The following NLGN1 variants were observed in gnomAD, a reference collection of about 807,000 sequenced individuals.
NLGN1 encodes neuroligin 1.
NLGN1 carries 12 observed loss-of-function variants against 65.5 expected under a neutral mutation model. The ratio of observed to expected loss-of-function variants is 0.18; its 90% CI spans 0.12 to 0.30. The LOEUF is 0.30. NLGN1 is among the 10% of genes least tolerant of loss of function. The probability of loss-of-function intolerance (pLI) is 1.00; values close to 1 mark genes in which losing one functional copy is unlikely to be tolerated. For missense variants in NLGN1, 750 were observed against 1,007.1 expected (o/e 0.74, Z 3.46); for synonymous variants, 350 against 359.5 (o/e 0.97, Z 0.30).
At chr3:173,694,258 T>G (rs1224608707) in intron 3 of NLGN1, among the ~76,000 whole-genome samples, 1 of 152,192 alleles carries the variant, frequency 6.6e-6, no homozygotes, top group Non-Finnish European at 1.5e-5. Flanking sequence ...AGTGATGCAC[T>G]CTGAGCAGTC....
chr3:174,221,784 A>C (rs1189372692), intron 4 of NLGN1, among the ~76,000 whole-genome samples: 4 of 152,030 alleles, frequency 2.6e-5, no homozygotes, highest in Non-Finnish European at 4.4e-5. Context: ...TTGCTTCTTC[A>C]TAGCTTTGGG....
intron 3 of NLGN1, among the ~76,000 whole-genome samples, chr3:173,787,539 G>A (rs546147437): frequency 5.9e-5 from 9 of 152,102 alleles, no homozygotes; most frequent in Middle Eastern, 3.4e-3. Context: ...TATTATTCTG[G>A]ACTCTTACAA....
At chr3:173,690,612 T>C (rs536073391) in intron 3 of NLGN1, among the ~76,000 whole-genome samples, 1 of 152,280 alleles carries the variant, frequency 6.6e-6, no homozygotes, top group Non-Finnish European at 1.5e-5. Context: ...GTAATGAAAG[T>C]CCATGATGTC....
At chr3:173,893,991 G>T (rs968697781) in intron 4 of NLGN1, among the ~76,000 whole-genome samples, 1 of 152,076 alleles carries the variant, frequency 6.6e-6, no homozygotes, top group Non-Finnish European at 1.5e-5. Context: ...TGTCCTGCCA[G>T]TTTGTCCAAC....
intron 4 of NLGN1, among the ~76,000 whole-genome samples, chr3:173,976,004 A>G (rs1453024198): frequency 1.3e-5 from 2 of 152,000 alleles, no homozygotes; most frequent in African/African-American, 2.4e-5. Flanking sequence ...CTATTTATCT[A>G]CTATACAAAG....
intron 4 of NLGN1, among the ~76,000 whole-genome samples, chr3:174,191,554 T>C (rs1732394699): frequency 1.3e-5 from 2 of 152,144 alleles, no homozygotes. Context: ...CTGTGAAAAG[T>C]GTGTCTCTCG....
the NLGN1 span, among the ~76,000 whole-genome samples, chr3:174,292,823 T>C: frequency 1.3e-5 from 2 of 151,438 alleles, no homozygotes; most frequent in Admixed American, 1.3e-4. Context: ...TGGATAGATG[T>C]ACACAAGATT....
At chr3:173,742,608 T>C (rs974826749) in intron 3 of NLGN1, among the ~76,000 whole-genome samples, 3 of 152,166 alleles carry the variant, frequency 2.0e-5, no homozygotes, top group African/African-American at 7.2e-5. Context: ...TCTAAGCCTT[T>C]ATATTTTCCT....
chr3:174,291,923 T>C, the NLGN1 span, among the ~76,000 whole-genome samples: 1 of 151,180 alleles, frequency 6.6e-6, no homozygotes, highest in Non-Finnish European at 1.5e-5. Context: ...ATGAAGGTAA[T>C]AGAAAAATCA....
chr3:173,754,015 C>T (rs1241429087), intron 3 of NLGN1, among the ~76,000 whole-genome samples: 3 of 118,720 alleles, frequency 2.5e-5, no homozygotes, highest in South Asian at 2.9e-4. Flanking sequence ...TTCTTTATTT[C>T]TTTCTTTTCT....
Position 173,949,383 on chromosome 3 carries a change from A to G in NLGN1, c.646+141551A>G, listed in dbSNP as rs779377609. Among the ~76,000 whole-genome samples, 12 of 152,306 alleles carry G rather than the reference A, an allele frequency of 7.9e-5. No individual in the cohort carries two copies. The South Asian group carries it at 1.9e-3, about 24-fold the overall frequency. ...ACAGAGTGGAAAAGAGCAAAACTGT[A>G]AATAAGACATAATTAGAAAGATGTA... On this transcript the variant is annotated intron_variant, in intron 4 of 6. Transcript: ENST00000457714.
intron 4 of NLGN1, among the ~76,000 whole-genome samples, chr3:173,825,781 G>T (rs1449069650): frequency 6.6e-6 from 1 of 151,948 alleles, no homozygotes; most frequent in African/African-American, 2.4e-5. Context: ...GTTTTCTCAG[G>T]TGAAAAATCA....
intron 3 of NLGN1, among the ~76,000 whole-genome samples, chr3:173,720,495 A>G (rs1231490973): frequency 3.9e-5 from 6 of 152,166 alleles, no homozygotes; most frequent in Admixed American, 3.9e-4. Context: ...ATCACACATT[A>G]TTTGCTTAGG....
chr3:174,049,815 T>G (rs1041017234), intron 4 of NLGN1, among the ~76,000 whole-genome samples: 2 of 152,074 alleles, frequency 1.3e-5, no homozygotes, highest in African/African-American at 4.8e-5. Flanking sequence ...GAGAACTGTT[T>G]AAGAATACAG....
intron 4 of NLGN1, among the ~76,000 whole-genome samples, chr3:173,815,197 G>A (rs1171817512): frequency 9.4e-5 from 14 of 148,638 alleles, no homozygotes; most frequent in South Asian, 4.3e-4. Flanking sequence ...TGCAACCTCC[G>A]CCTCCCAGGT....
intron 3 of NLGN1, among the ~76,000 whole-genome samples, chr3:173,764,852 CTT>C (rs1057328728): frequency 3.3e-5 from 5 of 151,892 alleles, no homozygotes; most frequent in Admixed American, 1.3e-4. Context: ...GAATAAATGA[CTT>C]ATTACTTTGT....
chr3:173,858,495 T>C (rs553041596), intron 4 of NLGN1, among the ~76,000 whole-genome samples: 1 of 152,178 alleles, frequency 6.6e-6, no homozygotes, highest in African/African-American at 2.4e-5. Context: ...AAGATTTGAA[T>C]TATATTAGGG....
intron 4 of NLGN1, among the ~76,000 whole-genome samples, chr3:174,091,980 T>G (rs1744606403): frequency 6.6e-6 from 1 of 152,292 alleles, no homozygotes. Context: ...AAAATAAATC[T>G]CTGACCCTCT....
At chr3:173,433,696 A>G (rs1717606080) in intron 1 of NLGN1, among the ~76,000 whole-genome samples, 1 of 152,136 alleles carries the variant, frequency 6.6e-6, no homozygotes, top group Admixed American at 6.6e-5. Flanking sequence ...TTTAATTTAT[A>G]AGCGACCAAG....
Sources: allele counts gnomAD v4.1 joint callset (sites outside exome capture counted in the v4.1 genomes callset), GRCh38; gene constraint gnomAD v4.1.1; transcripts MANE v1.5; gene names NCBI Gene and HGNC (gene_info 2026-07-23, HGNC 2026-07-21).